ENOX2: variants seen among roughly 807,000 people sequenced by gnomAD.
ENOX2 encodes the protein ecto-NOX disulfide-thiol exchanger 2.
ENOX2 carries 36 observed loss-of-function variants against 45.0 expected under a neutral mutation model. The ratio of observed to expected loss-of-function variants is 0.80; its 90% CI spans 0.61 to 1.06. The LOEUF (loss-of-function observed/expected upper bound fraction) is 1.06. Ranked by LOEUF, ENOX2 falls within the 50% of genes least tolerant of loss-of-function variation. The pLI is 0.00. For synonymous variants in ENOX2, 174 were observed against 152.3 expected (o/e 1.14, Z -1.05); for missense variants, 423 against 462.5 (o/e 0.91, Z 0.78).
intron 2 of ENOX2, among the ~76,000 whole-genome samples, chrX:130,808,386 A>C (rs764695175): frequency 2.7e-5 from 3 of 111,988 alleles, no homozygotes; most frequent in African/African-American, 9.7e-5. Context: ...TAAGACAACA[A>C]AAACTAAGAC....
intron 2 of ENOX2, among the ~76,000 whole-genome samples, chrX:130,813,874 C>T (rs1053131913): frequency 1.4e-4 from 16 of 111,813 alleles, no homozygotes; most frequent in African/African-American, 4.6e-4. Context: ...ACCCCAGTGG[C>T]GCCTGGAACG....
intron 2 of ENOX2, among the ~76,000 whole-genome samples, chrX:130,890,819 T>C (rs1292458526): frequency 1.8e-5 from 2 of 112,932 alleles, no homozygotes; most frequent in Non-Finnish European, 3.7e-5. Context: ...TTCTTCACTG[T>C]TTGATCTTGG....
At chrX:130,810,481 T>C (rs2077373146) in intron 2 of ENOX2, among the ~76,000 whole-genome samples, 1 of 111,530 alleles carries the variant, frequency 9.0e-6, no homozygotes, top group African/African-American at 3.3e-5. Context: ...CTCCTGGATA[T>C]AGCCTCTAGG....
chrX:130,825,025 T>C (rs1323548346), intron 2 of ENOX2, among the ~76,000 whole-genome samples: 1 of 110,780 alleles, frequency 9.0e-6, no homozygotes, highest in African/African-American at 3.3e-5. Flanking sequence ...GTGAAAAATA[T>C]CTCACACACA....
At chrX:130,696,306 T>C (rs770170933) in intron 4 of ENOX2, among the ~76,000 whole-genome samples, 1 of 111,783 alleles carries the variant, frequency 8.9e-6, no homozygotes, top group South Asian at 3.8e-4. Flanking sequence ...TTCTTGCCTT[T>C]TTAGAACATT....
intron 2 of ENOX2, among the ~76,000 whole-genome samples, chrX:130,899,815 T>C (rs912798992): frequency 1.9e-4 from 21 of 112,050 alleles, no homozygotes; most frequent in African/African-American, 5.5e-4. Context: ...TTAATGAACA[T>C]AGAAACATAG....
Position 130,637,859 on chromosome X carries a change from T to C in ENOX2, c.1130-449A>G, listed in dbSNP as rs186101044. On this transcript the variant is annotated intron_variant, in intron 10 of 14. Coordinates refer to ENST00000394363, the MANE Select transcript of ENOX2 (RefSeq NM_006375.4). ...AGTCAGATTCTAACTTCAGTTACACTCATTTTATTTTTACTGAAAATGTAA... is the reference window on the plus strand; with the variant it reads ...AGTCAGATTCTAACTTCAGTTACACCCATTTTATTTTTACTGAAAATGTAA... 3.8e-3 allele frequency among the ~76,000 whole-genome samples: 428 copies of C among 111,211 alleles called. 2 individuals carry two copies. Among genetic ancestry groups the C allele is most frequent in the African/African-American group, 0.014 (414 of 30,627 alleles).
chrX:130,858,533 G>A (rs2078352567), intron 2 of ENOX2, among the ~76,000 whole-genome samples: 1 of 111,438 alleles, frequency 9.0e-6, no homozygotes, highest in African/African-American at 3.3e-5. Flanking sequence ...TAAAGGTCCA[G>A]GATGACACTA....
intron 2 of ENOX2, among the ~76,000 whole-genome samples, chrX:130,855,351 G>A (rs182189611): frequency 3.3e-3 from 367 of 111,793 alleles, no homozygotes; most frequent in African/African-American, 0.011. Context: ...TAAATCTTCG[G>A]TATAAATACT....
At chrX:130,655,341 T>C (rs1434933553) in intron 10 of ENOX2, among the ~76,000 whole-genome samples, 1 of 111,924 alleles carries the variant, frequency 8.9e-6, no homozygotes. Flanking sequence ...AAGTCTGACT[T>C]GATGTTTTTC....
At chrX:130,811,613 T>C (rs777159697) in intron 2 of ENOX2, among the ~76,000 whole-genome samples, 153 of 112,527 alleles carry the variant, frequency 1.4e-3, no homozygotes, top group African/African-American at 4.5e-3. Flanking sequence ...AATAAGCCCA[T>C]ACTTTTTTAA....
intron 2 of ENOX2, among the ~76,000 whole-genome samples, chrX:130,878,757 T>A (rs1431805120): frequency 1.8e-5 from 2 of 112,320 alleles, no homozygotes; most frequent in Admixed American, 1.9e-4. Flanking sequence ...TGTCAGTTAC[T>A]CAAAACCATA....
At chrX:130,897,007 A>C (rs1389261666) in intron 2 of ENOX2, among the ~76,000 whole-genome samples, 1 of 112,452 alleles carries the variant, frequency 8.9e-6, no homozygotes, top group Non-Finnish European at 1.9e-5. Flanking sequence ...TTAACTATTG[A>C]ATTCAACCAA....
chrX:130,800,871 A>G (rs1466067573), intron 2 of ENOX2, among the ~76,000 whole-genome samples: 1 of 112,507 alleles, frequency 8.9e-6, no homozygotes, highest in Non-Finnish European at 1.9e-5. Flanking sequence ...AGGGTCTATC[A>G]ATGAAACAAC....
At chrX:130,731,594 A>G (rs1340678579) in intron 3 of ENOX2, among the ~76,000 whole-genome samples, 5 of 112,348 alleles carry the variant, frequency 4.5e-5, no homozygotes, top group Non-Finnish European at 7.5e-5. Context: ...GATGCAAAAA[A>G]TTTCAACAAA....
intron 8 of ENOX2, 106 bp downstream of exon 8, chrX:130,667,424 T>G: frequency 7.3e-6 from 5 of 686,428 alleles, no homozygotes; most frequent in Non-Finnish European, 1.1e-5. Context: ...AAGGGAGCCT[T>G]GAGCCTTAAC....
intron 12 of ENOX2, among the ~76,000 whole-genome samples, chrX:130,633,349 T>C (rs1436581316): frequency 1.8e-5 from 2 of 112,753 alleles, no homozygotes; most frequent in Non-Finnish European, 3.7e-5. Flanking sequence ...CTTCCTAACC[T>C]AATTGTGTCA....
rs544738682 is a variant in ENOX2, at chrX:130,856,259, A to T, written c.-183+45425T>A. On this transcript the variant is annotated intron_variant, in intron 2 of 14. Coordinates refer to ENST00000394363, the MANE Select transcript of ENOX2 (RefSeq NM_006375.4). The stretch of plus-strand genomic sequence containing the variant: ...ATTTCACAGCAAATGAAGAATGGTA[A>T]TGAGCCTTTGCTCGTGGAATTCACT... Among the ~76,000 whole-genome samples, 5 of 112,606 alleles carry T rather than the reference A, an allele frequency of 4.4e-5. No homozygotes were observed. The South Asian group carries it at 1.8e-3, about 41-fold the overall frequency.
chrX:130,657,029 C>T lies in ENOX2; in HGVS notation c.1015-334G>A, dbSNP rs934512080. ...GTGGACTTTCCCTTAAGGGTTCTGCCATTTTCACCTCCCCACGTTGGACCC... is the reference window on the plus strand; with the variant it reads ...GTGGACTTTCCCTTAAGGGTTCTGCTATTTTCACCTCCCCACGTTGGACCC... On this transcript the variant is annotated intron_variant, in intron 9 of 14. Coordinates refer to ENST00000394363, the MANE Select transcript of ENOX2 (RefSeq NM_006375.4). Among the ~76,000 whole-genome samples the T allele has an allele frequency of 2.7e-5, 3 of 111,573 alleles. No homozygotes were observed. The East Asian group carries it at 8.4e-4, about 31-fold the overall frequency.
Sources: allele counts gnomAD v4.1 joint callset (sites outside exome capture counted in the v4.1 genomes callset), GRCh38; gene constraint gnomAD v4.1.1; transcripts MANE v1.5; gene names NCBI Gene and HGNC (gene_info 2026-07-23, HGNC 2026-07-21).